Variants in CNTNAP5 observed in about 807,000 individuals in gnomAD.
CNTNAP5 encodes the protein contactin associated protein family member 5, also known as contactin-associated protein-like 5.
In CNTNAP5, 72 loss-of-function variants were observed where a neutral mutation model predicts 150.2. The ratio of observed to expected loss-of-function variants is 0.48; its 90% CI spans 0.40 to 0.58. The LOEUF (loss-of-function observed/expected upper bound fraction) is 0.58, where lower values mean the gene tolerates loss of function less well. Among genes scored for constraint, CNTNAP5 ranks in the 20% least tolerant of loss-of-function variants. CNTNAP5 has a pLI of 0.00. For synonymous variants in CNTNAP5, 672 were observed against 619.8 expected (o/e 1.08, Z -1.25); for missense variants, 1,636 against 1,626.2 (o/e 1.01, Z -0.10).
At chr2:124,027,219 G>A (rs566927698) in intron 1 of CNTNAP5, among the ~76,000 whole-genome samples, 2 of 152,180 alleles carry the variant, frequency 1.3e-5, no homozygotes, top group Non-Finnish European at 2.9e-5. Context: ...TTCTTCTGTG[G>A]AATTGTTCCC....
chr2:124,625,313 A>G (rs916737956), intron 12 of CNTNAP5, among the ~76,000 whole-genome samples: 3 of 152,044 alleles, frequency 2.0e-5, no homozygotes, highest in Non-Finnish European at 4.4e-5. Flanking sequence ...TCATATGGAA[A>G]TTATATAAAG....
Position 124,477,711 on chromosome 2 carries a change from C to A in CNTNAP5, c.1062+2829C>A, listed in dbSNP as rs544543266. ...TTGGAGTCTTGGGCTATGGAAAGCA[C>A]ACTCATTCCTATCCCTTTCCCAATA... is the stretch of plus-strand genomic sequence containing the variant. On this transcript the variant is annotated intron_variant, in intron 7 of 23. Transcript: ENST00000682447. Among the ~76,000 whole-genome samples the A allele has an allele frequency of 6.7e-5, 10 of 148,394 alleles. No individual in the cohort carries two copies. In the South Asian group the frequency reaches 2.1e-3, roughly 32 times the overall value.
intron 21 of CNTNAP5, among the ~76,000 whole-genome samples, chr2:124,896,898 T>G (rs1263145128): frequency 1.3e-5 from 2 of 151,626 alleles, no homozygotes; most frequent in Non-Finnish European, 1.5e-5. Flanking sequence ...TGTCATCTTT[T>G]GCCTTATTTC....
chr2:124,886,325 T>C (rs2104743342), intron 21 of CNTNAP5, among the ~76,000 whole-genome samples: 1 of 152,216 alleles, frequency 6.6e-6, no homozygotes, highest in African/African-American at 2.4e-5. Flanking sequence ...GTGGTGGAAT[T>C]GGAGGCAGGA....
chr2:124,402,256 A>G (rs1343724915), intron 3 of CNTNAP5, among the ~76,000 whole-genome samples: 1 of 152,158 alleles, frequency 6.6e-6, no homozygotes, highest in African/African-American at 2.4e-5. Flanking sequence ...GTGGCACGGG[A>G]GCACATGTGT....
At position 124,869,567 on chromosome 2, in the gene CNTNAP5, G is replaced by T. The variant is rs1490334424; in HGVS notation, c.3349-108G>T. Reference sequence around the variant, plus strand: ...CTCCTGAGAGAAAATCTCAGAGGGGGGTCTGCTATCTGTATGCATTTTTTC... The same window carrying T: ...CTCCTGAGAGAAAATCTCAGAGGGGTGTCTGCTATCTGTATGCATTTTTTC... On this transcript the variant is annotated intron_variant, in intron 20 of 23. Transcript: ENST00000682447. 13 of 671,218 alleles carry T rather than the reference G, an allele frequency of 1.9e-5. No individual in the cohort carries two copies. In the East Asian group the frequency reaches 3.3e-4, roughly 17 times the overall value. The allele number at this position is 671,218 out of a possible 1,614,324, so 41.6% of individuals were successfully genotyped here.
At chr2:124,330,618 C>A (rs2104679738) in intron 3 of CNTNAP5, among the ~76,000 whole-genome samples, 1 of 152,296 alleles carries the variant, frequency 6.6e-6, no homozygotes, top group East Asian at 1.9e-4. Context: ...CACCTTCCAC[C>A]ATGATTGTAA....
rs571408475 is a variant in CNTNAP5 at position 124,759,938 on chromosome 2, CTTTTT to C, written c.2235-3711_2235-3707del. Among the ~76,000 whole-genome samples, 156 of 83,644 alleles carry C rather than the reference CTTTTT, an allele frequency of 1.9e-3. 2 individuals carry two copies. The highest frequency in any genetic ancestry group is 0.014 in the East Asian group (30 of 2,216). The allele number at this position is 83,644 out of a possible 152,430, so 54.9% of individuals were successfully genotyped here. On this transcript the variant is annotated intron_variant, in intron 14 of 23. Coordinates refer to ENST00000682447, the MANE Select transcript of CNTNAP5 (RefSeq NM_001367498.1). ...CTTCTTGTTACCTAAACTCCTCGGT[CTTTTT>C]TTTTTTTTTTTTTTTTTTTTTTAAA...
At chr2:124,092,805 A>T (rs1682845961) in intron 1 of CNTNAP5, among the ~76,000 whole-genome samples, 3 of 152,172 alleles carry the variant, frequency 2.0e-5, no homozygotes, top group Admixed American at 2.0e-4. Flanking sequence ...CTAAGTCCAA[A>T]GATTGTTTGA....
chr2:124,619,719 G>C lies in CNTNAP5; in HGVS notation c.1876+9799G>C, dbSNP rs532860046. 2.0e-5 allele frequency among the ~76,000 whole-genome samples: 3 copies of C among 151,452 alleles called. 1 individual carries two copies. The South Asian group carries it at 6.3e-4, about 32-fold the overall frequency. ...AGGAATTCTGAAAGCAGATGTCTCT[G>C]GTCTGGAACTGCAGCTACTTCCTGG... On this transcript the variant is annotated intron_variant, in intron 12 of 23. Transcript: ENST00000682447.
intron 1 of CNTNAP5, among the ~76,000 whole-genome samples, chr2:124,216,280 TTTG>T (rs1300469692): frequency 6.6e-6 from 1 of 152,114 alleles, no homozygotes; most frequent in Non-Finnish European, 1.5e-5. Context: ...AGCAAAGTTA[TTTG>T]TTGAAGAAAA....
At chr2:124,059,384 A>T (rs1439137) in intron 1 of CNTNAP5, among the ~76,000 whole-genome samples, 44,948 of 152,036 alleles carry the variant, frequency 0.3, 6,961 homozygotes, top group Admixed American at 0.37. Context: ...GTCTACAAAA[A>T]AGCTGTGTTT....
At chr2:124,857,978 T>C (rs1677418275) in intron 19 of CNTNAP5, among the ~76,000 whole-genome samples, 1 of 152,212 alleles carries the variant, frequency 6.6e-6, no homozygotes, top group Non-Finnish European at 1.5e-5. Flanking sequence ...AGAGAAATTA[T>C]TTTTTAGATA....
chr2:124,735,432 T>TG (rs1446062653), intron 13 of CNTNAP5, among the ~76,000 whole-genome samples: 1 of 152,014 alleles, frequency 6.6e-6, no homozygotes, highest in Non-Finnish European at 1.5e-5. Flanking sequence ...ACAAGACTTT[T>TG]TTTTTTTTGC....
intron 10 of CNTNAP5, among the ~76,000 whole-genome samples, chr2:124,540,357 T>G (rs1695348786): frequency 6.6e-6 from 1 of 152,200 alleles, no homozygotes; most frequent in Admixed American, 6.5e-5. Context: ...TGAGAATCAT[T>G]TGTATCAACA....
chr2:124,503,408 A>T (rs1180432085), intron 7 of CNTNAP5, among the ~76,000 whole-genome samples: 4 of 152,182 alleles, frequency 2.6e-5, no homozygotes. Flanking sequence ...GGAAAGTTAA[A>T]TTCAGGTAGC....
At chr2:124,134,832 A>G (rs929875717) in intron 1 of CNTNAP5, among the ~76,000 whole-genome samples, 5 of 152,188 alleles carry the variant, frequency 3.3e-5, no homozygotes, top group Admixed American at 1.3e-4. Flanking sequence ...ACATTGTAGA[A>G]TGATTGCTGA....
intron 11 of CNTNAP5, among the ~76,000 whole-genome samples, chr2:124,580,225 C>A (rs1255350426): frequency 6.6e-6 from 1 of 152,158 alleles, no homozygotes; most frequent in Non-Finnish European, 1.5e-5. Flanking sequence ...AGAGGATAAC[C>A]AAAAGCGGGG....
intron 13 of CNTNAP5, among the ~76,000 whole-genome samples, chr2:124,741,225 A>G (rs968594064): frequency 6.6e-6 from 1 of 152,204 alleles, no homozygotes; most frequent in Non-Finnish European, 1.5e-5. Context: ...AAAGGCAACA[A>G]CAGCTCAACA....
Sources: allele counts gnomAD v4.1 joint callset (sites outside exome capture counted in the v4.1 genomes callset), GRCh38; gene constraint gnomAD v4.1.1; transcripts MANE v1.5; gene names NCBI Gene and HGNC (gene_info 2026-07-23, HGNC 2026-07-21).